The following SYNJ2 variants were observed in gnomAD, a reference collection of about 807,000 sequenced individuals.
The protein encoded by SYNJ2 is synaptojanin 2, also known as polyphosphatidylinositol phosphatase SYNJ2.
A neutral mutation model predicts 141.3 loss-of-function variants in SYNJ2; 116 were observed. That is an observed-to-expected ratio of 0.82 (90% confidence interval 0.71 to 0.96). The LOEUF (loss-of-function observed/expected upper bound fraction) is 0.96, where lower values mean the gene tolerates loss of function less well. Ranked by LOEUF, SYNJ2 falls within the 40% of genes least tolerant of loss-of-function variation. The pLI, the probability that SYNJ2 is intolerant of heterozygous loss-of-function variation, is 0.00. For missense variants in SYNJ2, 1,873 were observed against 1,934.8 expected, an observed-to-expected ratio of 0.97 and a Z score of 0.60; for synonymous variants, 745 against 777.7, an observed-to-expected ratio of 0.96 and a Z score of 0.70.
chr6:157,984,791 A>G (rs1216539204), intron 1 of SYNJ2, among the ~76,000 whole-genome samples: 1 of 152,222 alleles, frequency 6.6e-6, no homozygotes, highest in African/African-American at 2.4e-5. Context: ...CTGGTGGTCT[A>G]ATCTTGACCT....
rs11962662 is a variant in SYNJ2, at chr6:158,087,082, C to A, written c.3343+93C>A. 4,864 of 1,450,020 alleles carry A rather than the reference C, an allele frequency of 3.4e-3. 141 individuals carry two copies. The African/African-American group carries it at 0.061, about 18-fold the overall frequency. The allele number at this position is 1,450,020 out of a possible 1,614,324, so 89.8% of individuals were successfully genotyped here. A position where few individuals can be genotyped will look rare whatever the true frequency, so the allele number is the denominator to read the frequency against. On this transcript the variant is annotated intron_variant, in intron 23 of 26. Transcript: ENST00000355585. ...AAAACACGGCTCCGAATCCACTTCT[C>A]CCCGGCCTTCCGGTCCCCACAGGGC... is the stretch of plus-strand genomic sequence containing the variant.
intron 15 of SYNJ2, among the ~76,000 whole-genome samples, chr6:158,072,203 T>C (rs1400359495): frequency 6.6e-6 from 1 of 152,218 alleles, no homozygotes; most frequent in Non-Finnish European, 1.5e-5. Flanking sequence ...TCTTCACATG[T>C]ACTTTCTGTG....
At chr6:158,032,774 T>C (rs1779435263) in intron 3 of SYNJ2, among the ~76,000 whole-genome samples, 1 of 152,216 alleles carries the variant, frequency 6.6e-6, no homozygotes, top group South Asian at 2.1e-4. Flanking sequence ...AGAATGGGGC[T>C]TAGTGCACAG....
chr6:157,993,108 A>G, intron 1 of SYNJ2, among the ~76,000 whole-genome samples: 1 of 152,250 alleles, frequency 6.6e-6, no homozygotes. Flanking sequence ...TATATAGTAT[A>G]TAACATATAT....
At chr6:158,086,138 C>T (rs1049844515) in intron 22 of SYNJ2, among the ~76,000 whole-genome samples, 1 of 152,108 alleles carries the variant, frequency 6.6e-6, no homozygotes, top group African/African-American at 2.4e-5. Flanking sequence ...TGCCTTTCCC[C>T]AGTTCCAGTC....
At chr6:157,994,792 G>C (rs78556504) in intron 1 of SYNJ2, among the ~76,000 whole-genome samples, 1,649 of 152,358 alleles carry the variant, frequency 0.011, 26 homozygotes, top group African/African-American at 0.037. Flanking sequence ...AGAAGCAATA[G>C]ATTTGGGCTC....
chr6:158,060,819 G>A (rs562847563), intron 7 of SYNJ2, among the ~76,000 whole-genome samples: 87 of 152,336 alleles, frequency 5.7e-4, no homozygotes, highest in African/African-American at 2.0e-3. Context: ...TGGTGAGGGC[G>A]GGAGATGGCA....
intron 1 of SYNJ2, 66 bp from the exon 2 acceptor site, chr6:158,017,138 G>T: frequency 1.5e-5 from 24 of 1,564,022 alleles, no homozygotes; most frequent in Non-Finnish European, 2.1e-5. Flanking sequence ...GGCAAGCCGG[G>T]TGTGAATGAA....
chr6:158,057,416 A>G (rs750954304), intron 6 of SYNJ2, among the ~76,000 whole-genome samples: 1 of 152,072 alleles, frequency 6.6e-6, no homozygotes, highest in Non-Finnish European at 1.5e-5. Context: ...TTTACAATAA[A>G]GGGAAAGAAA....
In SYNJ2 at chr6:158,095,743, A is replaced by C; in HGVS notation, c.3870A>C (p.Arg1290Ser). 1 of 1,614,166 alleles carries C rather than the reference A, an allele frequency of 6.2e-7. No individual in the cohort carries two copies. The highest frequency in any genetic ancestry group is 8.5e-7 in the Non-Finnish European group (1 of 1,180,016). Residue 1290 changes from arginine (R) to serine (S), a missense_variant, in exon 27 of 27, where the codon AGA becomes AGC. Arg to Ser is a moderately radical substitution (Grantham distance 110, BLOSUM62 -1). Transcript: ENST00000355585. ...GAGTCCCTCCTGTTCCCAAACCAAG[A>C]ACATTTCAGCCTGGGAAAGCTGCAG... ...APRVPPVPKP[R>S]TFQPGKAAER...
At chr6:158,076,156 C>G (rs1018877876) in intron 16 of SYNJ2, among the ~76,000 whole-genome samples, 1 of 152,196 alleles carries the variant, frequency 6.6e-6, no homozygotes, top group African/African-American at 2.4e-5. Flanking sequence ...CCACTGTATT[C>G]CAGCCTGAGC....
At chr6:158,054,542 A>G (rs2128355612) in intron 5 of SYNJ2, among the ~76,000 whole-genome samples, 1 of 152,358 alleles carries the variant, frequency 6.6e-6, no homozygotes, top group South Asian at 2.1e-4. Flanking sequence ...TTTGATCATT[A>G]GGATGACTCA....
At chr6:158,092,733 C>G (rs1783542246) in intron 25 of SYNJ2, among the ~76,000 whole-genome samples, 193 bp from the exon 26 acceptor site, 1 of 152,040 alleles carries the variant, frequency 6.6e-6, no homozygotes, top group African/African-American at 2.4e-5. Flanking sequence ...CCGCTGCACT[C>G]CGGCCTGGGT....
intron 1 of SYNJ2, among the ~76,000 whole-genome samples, chr6:158,007,344 C>T (rs920047988): frequency 1.3e-5 from 2 of 152,218 alleles, no homozygotes; most frequent in Admixed American, 1.3e-4. Context: ...GGACTCCAGA[C>T]TTGCAGAGCT....
chr6:158,017,862 C>G, intron 2 of SYNJ2: 1 of 484,270 alleles, frequency 2.1e-6, no homozygotes, highest in Non-Finnish European at 4.2e-6. Context: ...CACCCCCACC[C>G]TGTGCCAGAG....
intron 1 of SYNJ2, among the ~76,000 whole-genome samples, chr6:157,985,109 G>A (rs760577048): frequency 1.3e-5 from 2 of 152,220 alleles, no homozygotes; most frequent in East Asian, 1.9e-4. Context: ...AGTACCTCTC[G>A]CCGAAGGGGC....
At chr6:158,036,631 G>C (rs1240639145) in intron 4 of SYNJ2, among the ~76,000 whole-genome samples, 1 of 152,136 alleles carries the variant, frequency 6.6e-6, no homozygotes, top group Non-Finnish European at 1.5e-5. Flanking sequence ...GGAGGATGGA[G>C]GGTAGGAGGA....
At chr6:157,993,374 C>T (rs1452838619) in intron 1 of SYNJ2, among the ~76,000 whole-genome samples, 4 of 151,996 alleles carry the variant, frequency 2.6e-5, no homozygotes, top group Admixed American at 2.0e-4. Flanking sequence ...TTTTTTGGAT[C>T]GGATTATTAG....
chr6:158,018,313 C>T (rs1157085616), intron 2 of SYNJ2, among the ~76,000 whole-genome samples: 2 of 152,214 alleles, frequency 1.3e-5, no homozygotes, highest in African/African-American at 2.4e-5. Flanking sequence ...GCCCCCTTGC[C>T]ATCTGTGACC....
Sources: gnomAD v4.1 joint callset for allele counts (sites outside exome capture counted in the v4.1 genomes callset) on GRCh38, gnomAD v4.1.1 for gene constraint, MANE v1.5 for transcripts, NCBI Gene and HGNC (gene_info 2026-07-23, HGNC 2026-07-21) for gene names.